REPS2: variants seen among roughly 807,000 people sequenced by gnomAD.
REPS2 encodes ralBP1-associated Eps domain-containing protein 2.
A neutral mutation model predicts 53.6 loss-of-function variants in REPS2; 23 were observed. The observed-to-expected ratio is 0.43, with a 90% CI of 0.31 to 0.61. The LOEUF (loss-of-function observed/expected upper bound fraction) is 0.61. Among genes scored for constraint, REPS2 ranks in the 20% least tolerant of loss-of-function variants. REPS2 has a pLI of 0.11. For synonymous variants in REPS2, 238 were observed against 218.6 expected (o/e 1.09, Z -0.78); for missense variants, 446 against 534.9 (o/e 0.83, Z 1.64).
rs11405255 is a variant in REPS2 at position 17,020,631 on chromosome X, CT to C, written c.398-1480del. Reference sequence around the variant, plus strand: ...CAGGGATTTGTCATATTGCCTGCTTCTTTTTTTTTTTTCTGGTACAGAATTT... The same window carrying C: ...CAGGGATTTGTCATATTGCCTGCTTCTTTTTTTTTTTCTGGTACAGAATTT... On this transcript the variant is annotated intron_variant, in intron 2 of 17. Transcript: ENST00000357277. Among the ~76,000 whole-genome samples, 159 of 102,533 alleles carry C rather than the reference CT, an allele frequency of 1.6e-3. 1 individual carries two copies. Among genetic ancestry groups the C allele is most frequent in the African/African-American group, 4.3e-3 (124 of 28,579 alleles). 89.0% of individuals were successfully genotyped at this position (102,533 alleles called of 115,157 possible). A position where few individuals can be genotyped will look rare whatever the true frequency, so the allele number is the denominator to read the frequency against.
At position 17,153,045 on chromosome X, in the gene REPS2, G is replaced by A. The variant is rs991700150; in HGVS notation, c.*5564G>A. The A allele has an allele frequency of 1.8e-5, 2 of 112,624 alleles. No homozygotes were observed. Among genetic ancestry groups the A allele is most frequent in the African/African-American group, 6.5e-5 (2 of 30,948 alleles). 9.3% of individuals were successfully genotyped at this position (112,624 alleles called of 1,213,427 possible). ...ACAAGTTGTGTTAATATTTTACTCA[G>A]CCAGAGTCTCATTCATTTGCTAAGC... On this transcript the variant is annotated 3_prime_UTR_variant, in exon 18 of 18. Coordinates refer to ENST00000357277, the MANE Select transcript of REPS2 (RefSeq NM_004726.3).
chrX:17,195,800 T>C, the REPS2 span, among the ~76,000 whole-genome samples: 1 of 112,551 alleles, frequency 8.9e-6, no homozygotes, highest in Non-Finnish European at 1.9e-5. Context: ...GCCCTCTGGC[T>C]TCAAAATTCC....
chrX:17,146,095 T>C (rs180766456), intron 17 of REPS2, among the ~76,000 whole-genome samples: 2,285 of 98,167 alleles, frequency 0.023, 82 homozygotes, highest in African/African-American at 0.085. Context: ...GGCGACAGAG[T>C]GAGACTCTGT....
chrX:17,103,628 G>A, intron 13 of REPS2, 90 bp from the exon 14 acceptor site: 1 of 832,433 alleles, frequency 1.2e-6, no homozygotes, highest in Non-Finnish European at 1.8e-6. Context: ...AAATGCAAAT[G>A]CCATTGCCAT....
intron 11 of REPS2, among the ~76,000 whole-genome samples, chrX:17,072,718 C>T (rs747493341): frequency 8.9e-6 from 1 of 112,323 alleles, no homozygotes; most frequent in East Asian, 2.8e-4. Context: ...AGAGGGCTTC[C>T]CCAGCTCTGT....
rs368332705 is a variant in REPS2, at chrX:17,062,411, T to C, written c.1115-27T>C. On this transcript the variant is annotated intron_variant, in intron 8 of 17. Transcript: ENST00000357277. The stretch of plus-strand genomic sequence containing the variant: ...ATTACTATGGCTATAGGAAATATTC[T>C]GATATATTCTTTTTGTTTCTTCTTA... The C allele has an allele frequency of 6.8e-6, 7 of 1,035,859 alleles. No individual in the cohort carries two copies. The African/African-American group carries it at 1.3e-4, about 19-fold the overall frequency. The allele number at this position is 1,035,859 out of a possible 1,213,427, so 85.4% of individuals were successfully genotyped here.
intron 1 of REPS2, among the ~76,000 whole-genome samples, chrX:16,989,247 A>C (rs2061130910): frequency 2.6e-5 from 1 of 38,338 alleles, no homozygotes; most frequent in African/African-American, 9.8e-5. Context: ...AAACATCAAT[A>C]TGTCAAAAAA....
At chrX:17,016,628 C>T (rs12840648) in intron 2 of REPS2, among the ~76,000 whole-genome samples, 20,312 of 110,511 alleles carry the variant, frequency 0.18, 1,859 homozygotes, top group East Asian at 0.29. Flanking sequence ...AGGCTAGTCT[C>T]AAACTCCTGA....
chrX:17,013,664 G>C (rs1332973937), intron 2 of REPS2, among the ~76,000 whole-genome samples: 1 of 92,875 alleles, frequency 1.1e-5, no homozygotes, highest in Non-Finnish European at 2.2e-5. Context: ...GTGTGTGTGT[G>C]TCCACACAGT....
At chrX:17,090,724 A>C (rs2062603880) in intron 13 of REPS2, among the ~76,000 whole-genome samples, 1 of 112,472 alleles carries the variant, frequency 8.9e-6, no homozygotes, top group South Asian at 3.6e-4. Flanking sequence ...TTTGAAGTAC[A>C]GAAGTTTTGA....
At chrX:17,061,551 A>AT (rs970067293) in intron 8 of REPS2, among the ~76,000 whole-genome samples, 3 of 112,746 alleles carry the variant, frequency 2.7e-5, no homozygotes, top group Non-Finnish European at 5.6e-5. Context: ...TTTGATTCAA[A>AT]TTTTTTTAAA....
the REPS2 span, among the ~76,000 whole-genome samples, chrX:17,160,628 A>C: frequency 2.8e-4 from 31 of 112,266 alleles, no homozygotes; most frequent in African/African-American, 1.0e-3. Flanking sequence ...GGCAGGCAGC[A>C]AGCTGATATA....
rs772862399 is a variant in REPS2, at chrX:17,011,274, G to T, written c.397+4930G>T. 2.7e-5 allele frequency among the ~76,000 whole-genome samples: 3 copies of T among 111,681 alleles called. No individual in the cohort carries two copies. The South Asian group carries it at 1.1e-3, about 42-fold the overall frequency. On this transcript the variant is annotated intron_variant, in intron 2 of 17. Transcript: ENST00000357277. ...CTAGCCCCACCCTCGTCTGAGTTGG[G>T]GTTAAACAGATGGCAAAACAGCTAG... is the stretch of plus-strand genomic sequence containing the variant.
chrX:16,965,613 A>T (rs1345545137), intron 1 of REPS2, among the ~76,000 whole-genome samples: 1 of 106,386 alleles, frequency 9.4e-6, no homozygotes, highest in East Asian at 3.1e-4. Context: ...GGTGCTCCCC[A>T]CATCTCAGAC....
chrX:17,182,723 G>A, the REPS2 span, among the ~76,000 whole-genome samples: 2 of 112,487 alleles, frequency 1.8e-5, no homozygotes, highest in Non-Finnish European at 3.8e-5. Flanking sequence ...ACAAAGACAT[G>A]CAGCCCAGTG....
intron 14 of REPS2, among the ~76,000 whole-genome samples, chrX:17,133,456 G>A (rs1325928137): frequency 4.5e-5 from 5 of 111,812 alleles, no homozygotes; most frequent in Non-Finnish European, 9.4e-5. Flanking sequence ...TTTTAATGAT[G>A]TTGATTGTTT....
At chrX:16,996,914 TA>T (rs1438626939) in intron 1 of REPS2, among the ~76,000 whole-genome samples, 1 of 112,579 alleles carries the variant, frequency 8.9e-6, no homozygotes, top group African/African-American at 3.2e-5. Context: ...TAAGTGTGCA[TA>T]AAATATGGAA....
intron 1 of REPS2, among the ~76,000 whole-genome samples, chrX:16,957,116 A>G (rs1442594589): frequency 8.9e-6 from 1 of 112,453 alleles, no homozygotes; most frequent in Non-Finnish European, 1.9e-5. Context: ...GCAATTAAGA[A>G]TTGTTGTTTT....
intron 14 of REPS2, among the ~76,000 whole-genome samples, chrX:17,110,410 C>CT (rs1361628421): frequency 9.4e-6 from 1 of 105,874 alleles, no homozygotes; most frequent in Non-Finnish European, 1.9e-5. Flanking sequence ...TGAGCATTTC[C>CT]TTTGAGTGTC....
Sources: allele counts gnomAD v4.1 joint callset (sites outside exome capture counted in the v4.1 genomes callset), GRCh38; gene constraint gnomAD v4.1.1; transcripts MANE v1.5; gene names NCBI Gene and HGNC (gene_info 2026-07-23, HGNC 2026-07-21).